The following GABRG3 variants were observed in gnomAD, a reference collection of about 807,000 sequenced individuals.
GABRG3 encodes gamma-aminobutyric acid receptor subunit gamma-3.
Under a neutral mutation model 48.8 loss-of-function variants are expected in GABRG3, and 25 were observed. The observed-to-expected ratio is 0.51, with a 90% CI of 0.37 to 0.72. The LOEUF is 0.72. GABRG3 is among the 30% of genes least tolerant of loss of function. The probability of loss-of-function intolerance (pLI) is 0.00; values close to 1 mark genes in which losing one functional copy is unlikely to be tolerated. For synonymous variants in GABRG3, 227 were observed against 217.6 expected (o/e 1.04, Z -0.38); for missense variants, 394 against 577.9 (o/e 0.68, Z 3.26).
At chr15:27,265,436 T>C (rs1334955119) in intron 3 of GABRG3, among the ~76,000 whole-genome samples, 1 of 152,244 alleles carries the variant, frequency 6.6e-6, no homozygotes, top group Non-Finnish European at 1.5e-5. Flanking sequence ...TTTATCTAAA[T>C]ACTCATTTTT....
At position 27,166,245 on chromosome 15, in the gene GABRG3, A is replaced by T. The variant is rs571362680; in HGVS notation, c.270+139424A>T. On this transcript the variant is annotated intron_variant, in intron 3 of 9. Coordinates refer to ENST00000615808, the MANE Select transcript of GABRG3 (RefSeq NM_033223.5). ...ATATTCAGAAATAACAGAGGGGAAA[A>T]GTACAAAAAGAAGTGTATTCTTCTT... Among the ~76,000 whole-genome samples, 4 of 152,320 alleles carry T rather than the reference A, an allele frequency of 2.6e-5. No individual in the cohort carries two copies. The East Asian group carries it at 7.7e-4, about 29-fold the overall frequency.
At chr15:27,484,525 T>C (rs143572443) in intron 6 of GABRG3, among the ~76,000 whole-genome samples, 1 of 152,334 alleles carries the variant, frequency 6.6e-6, no homozygotes, top group Non-Finnish European at 1.5e-5. Context: ...TATTTCCTGC[T>C]CTGTCAGCTG....
chr15:27,308,577 T>C (rs1892841905), intron 3 of GABRG3, among the ~76,000 whole-genome samples: 1 of 147,572 alleles, frequency 6.8e-6, no homozygotes, highest in Non-Finnish European at 1.5e-5. Flanking sequence ...AAACATAATG[T>C]AAACATACAT....
rs1555395854 is a variant in GABRG3, at chr15:26,977,160, G to T, written c.202+10G>T. The T allele has an allele frequency of 3.1e-6, 5 of 1,603,894 alleles. No homozygotes were observed. Among genetic ancestry groups the T allele is most frequent in the Non-Finnish European group, 4.3e-6 (5 of 1,175,360 alleles). On this transcript the variant is annotated intron_variant, in intron 2 of 9. Transcript: ENST00000615808. ...AGGCCAGATATTGGAAGTGAGTGTT[G>T]TTTTTTGTTATTCTAATAGAAAAAT...
At chr15:27,327,100 A>T in intron 4 of GABRG3, 71 bp downstream of exon 4, 1 of 1,296,290 alleles carries the variant, frequency 7.7e-7, no homozygotes, top group Non-Finnish European at 1.1e-6. Context: ...CACTGTAGGA[A>T]TGAGACCCTA....
intron 5 of GABRG3, among the ~76,000 whole-genome samples, chr15:27,405,462 T>G (rs1887602390): frequency 6.6e-6 from 1 of 152,218 alleles, no homozygotes; most frequent in Non-Finnish European, 1.5e-5. Flanking sequence ...GGGTCAAGGA[T>G]TGCTTTACAC....
chr15:27,210,524 C>T (rs1277260405), intron 3 of GABRG3, among the ~76,000 whole-genome samples: 1 of 152,194 alleles, frequency 6.6e-6, no homozygotes, highest in African/African-American at 2.4e-5. Flanking sequence ...ACATGACAAC[C>T]CCAAATTGAT....
At chr15:27,135,001 A>T (rs1030136841) in intron 3 of GABRG3, among the ~76,000 whole-genome samples, 1 of 152,210 alleles carries the variant, frequency 6.6e-6, no homozygotes, top group African/African-American at 2.4e-5. Flanking sequence ...TACAAAGTGC[A>T]ATGAGAACAG....
intron 9 of GABRG3, among the ~76,000 whole-genome samples, chr15:27,531,708 T>C (rs1444465741): frequency 6.6e-6 from 1 of 152,250 alleles, no homozygotes; most frequent in Non-Finnish European, 1.5e-5. Flanking sequence ...CAGAATTCAA[T>C]GTAGTGCACA....
intron 3 of GABRG3, among the ~76,000 whole-genome samples, chr15:27,037,711 C>G (rs1896203481): frequency 6.6e-6 from 1 of 152,190 alleles, no homozygotes; most frequent in Non-Finnish European, 1.5e-5. Context: ...ACGCAAGAGA[C>G]TTTCCTCCCA....
intron 3 of GABRG3, among the ~76,000 whole-genome samples, chr15:27,183,169 A>C (rs1887987637): frequency 6.6e-6 from 1 of 151,908 alleles, no homozygotes; most frequent in South Asian, 2.1e-4. Context: ...GCCAGAGGTT[A>C]GTGTGTGACA....
intron 3 of GABRG3, among the ~76,000 whole-genome samples, chr15:27,066,747 G>A (rs533728420): frequency 6.6e-6 from 1 of 152,116 alleles, no homozygotes; most frequent in South Asian, 2.1e-4. Context: ...GTTCTATCTT[G>A]AAAAGTGATA....
At chr15:27,518,249 A>G (rs994924473) in intron 6 of GABRG3, among the ~76,000 whole-genome samples, 1 of 151,578 alleles carries the variant, frequency 6.6e-6, no homozygotes, top group Non-Finnish European at 1.5e-5. Context: ...CATGCCTGTA[A>G]TCCCAGCTAC....
At chr15:27,122,367 C>G (rs1027754509) in intron 3 of GABRG3, among the ~76,000 whole-genome samples, 1 of 152,116 alleles carries the variant, frequency 6.6e-6, no homozygotes, top group Admixed American at 6.5e-5. Flanking sequence ...TCAGACCAAC[C>G]CTGTGATAGA....
chr15:27,232,178 A>AATTAT (rs1303739797), intron 3 of GABRG3, among the ~76,000 whole-genome samples: 2 of 152,214 alleles, frequency 1.3e-5, no homozygotes, highest in Non-Finnish European at 2.9e-5. Flanking sequence ...TAATGGAGTA[A>AATTAT]AATTCAATTT....
intron 3 of GABRG3, among the ~76,000 whole-genome samples, chr15:27,089,187 G>A (rs1405592803): frequency 6.6e-6 from 1 of 152,210 alleles, no homozygotes; most frequent in Non-Finnish European, 1.5e-5. Context: ...GGGCCTTGGG[G>A]TCAGGAGGAG....
At chr15:27,341,449 C>T (rs974828239) in intron 5 of GABRG3, among the ~76,000 whole-genome samples, 2 of 152,112 alleles carry the variant, frequency 1.3e-5, no homozygotes, top group Non-Finnish European at 2.9e-5. Context: ...CTGGGTCAGC[C>T]CGATGACTGC....
chr15:27,109,233 TA>T, intron 3 of GABRG3, among the ~76,000 whole-genome samples: 1 of 152,210 alleles, frequency 6.6e-6, no homozygotes, highest in Non-Finnish European at 1.5e-5. Flanking sequence ...GAGCAGAGTT[TA>T]CAGAGAGTTC....
At chr15:27,049,817 C>T (rs1896426794) in intron 3 of GABRG3, among the ~76,000 whole-genome samples, 1 of 152,202 alleles carries the variant, frequency 6.6e-6, no homozygotes, top group South Asian at 2.1e-4. Flanking sequence ...CTGGGAGGGG[C>T]ACAGTGAGCG....
Sources: gnomAD v4.1 joint callset for allele counts (sites outside exome capture counted in the v4.1 genomes callset) on GRCh38, gnomAD v4.1.1 for gene constraint, MANE v1.5 for transcripts, NCBI Gene and HGNC (gene_info 2026-07-23, HGNC 2026-07-21) for gene names.